Variants in AGBL2 observed in about 807,000 individuals in gnomAD.
AGBL2 encodes cytosolic carboxypeptidase 2.
AGBL2 carries 87 observed loss-of-function variants against 103.0 expected under a neutral mutation model. The observed-to-expected ratio is 0.84, with a 90% CI of 0.71 to 1.01. The LOEUF (loss-of-function observed/expected upper bound fraction) is 1.01, where lower values mean the gene tolerates loss of function less well. Among genes scored for constraint, AGBL2 ranks in the 50% least tolerant of loss-of-function variants. AGBL2 has a pLI of 0.00. For missense variants in AGBL2, 904 were observed against 1,023.5 expected (o/e 0.88, Z 1.59); for synonymous variants, 335 against 356.7 (o/e 0.94, Z 0.69).
intron 8 of AGBL2, among the ~76,000 whole-genome samples, chr11:47,698,451 C>A (rs1254635335): frequency 1.3e-5 from 2 of 152,178 alleles, no homozygotes; most frequent in Non-Finnish European, 2.9e-5. Flanking sequence ...GGATTATAGG[C>A]GTGAGCCACA....
At chr11:47,666,931 A>C in intron 17 of AGBL2, 25 bp downstream of exon 17, 1 of 1,430,870 alleles carries the variant, frequency 7.0e-7, no homozygotes, top group Non-Finnish European at 9.8e-7. Flanking sequence ...TCTGTGTGAC[A>C]AAGAGTCAAA....
At chr11:47,697,803 C>G (rs1204903371) in intron 8 of AGBL2, among the ~76,000 whole-genome samples, 3 of 147,968 alleles carry the variant, frequency 2.0e-5, no homozygotes, top group African/African-American at 7.5e-5. Flanking sequence ...GCCTCAGACT[C>G]CCAAAGTGCT....
At chr11:47,681,944 C>G in intron 12 of AGBL2, 25 bp downstream of exon 12, 2 of 1,608,532 alleles carry the variant, frequency 1.2e-6, no homozygotes, top group South Asian at 2.2e-5. Context: ...CTATGCTGGC[C>G]TATGATATAC....
chr11:47,677,963 C>T (rs2097382158), intron 13 of AGBL2, among the ~76,000 whole-genome samples: 1 of 151,824 alleles, frequency 6.6e-6, no homozygotes, highest in Non-Finnish European at 1.5e-5. Context: ...GAGCCAACTT[C>T]TTCTTTTTTA....
At chr11:47,664,721 T>TAAGTTTTAAAGTTTTA (rs1296258207) in intron 17 of AGBL2, among the ~76,000 whole-genome samples, 6 of 151,752 alleles carry the variant, frequency 4.0e-5, no homozygotes, top group Non-Finnish European at 8.8e-5. Flanking sequence ...CACATCCAGC[T>TAAGTTTTAAAGTTTTA]AAGTTTTAAA....
Position 47,690,210 on chromosome 11 carries a change from G to A in AGBL2, c.1497C>T (p.Pro499=), listed in dbSNP as rs1273273662. The part of the protein sequence containing the change: ...LRDIFVFKVL[P]MLNPDGVIVG... Reference sequence around the variant, plus strand: ...CAATCACACCATCTGGATTTAACATGGGAAGCACCTTGAAGACAAAAATAT... The same window carrying A: ...CAATCACACCATCTGGATTTAACATAGGAAGCACCTTGAAGACAAAAATAT... Residue 499 remains proline (P), a synonymous_variant, in exon 10 of 19, where the codon CCC becomes CCT. Coordinates refer to ENST00000525123, the MANE Select transcript of AGBL2 (RefSeq NM_024783.4). 5.0e-6 allele frequency: 8 copies of A among 1,614,042 alleles called. No homozygotes were observed. Among genetic ancestry groups the A allele is most frequent in the South Asian group, 1.1e-5 (1 of 91,074 alleles).
intron 3 of AGBL2, 182 bp from the exon 4 acceptor site, chr11:47,710,693 C>A: frequency 2.8e-6 from 2 of 725,064 alleles, no homozygotes; most frequent in Non-Finnish European, 4.8e-6. Context: ...CATAATTATC[C>A]CCACCTTACA....
intron 4 of AGBL2, among the ~76,000 whole-genome samples, chr11:47,707,080 T>C (rs2097523346): frequency 6.8e-6 from 1 of 146,896 alleles, no homozygotes; most frequent in African/African-American, 2.5e-5. Context: ...GTGCCTGTAA[T>C]CCTAGCTACT....
rs771158259 is a variant in AGBL2 at position 47,666,986 on chromosome 11, T to C, written c.2418A>G (p.Pro806=). ...FKNSENSSFL[P]MKNENPRLNE... ...TTAACCTTGGGTTTTCATTTTTCAT[T>C]GGTAAAAAACTGGAATTCTCTGAGT... is the stretch of plus-strand genomic sequence containing the variant. The change falls in exon 17 of 19, where the codon CCA becomes CCG. Residue 806 remains proline (P), a synonymous_variant. Transcript: ENST00000525123. The C allele has an allele frequency of 5.0e-6, 8 of 1,613,638 alleles. No individual in the cohort carries two copies. Among genetic ancestry groups the C allele is most frequent in the Non-Finnish European group, 5.9e-6 (7 of 1,179,796 alleles).
intron 4 of AGBL2, among the ~76,000 whole-genome samples, chr11:47,706,890 C>CATT (rs1554968232): frequency 1.9e-5 from 1 of 53,232 alleles, no homozygotes; most frequent in Admixed American, 2.0e-4. Context: ...CTCTACTATT[C>CATT]CAAAAAAAAA....
chr11:47,707,663 TTGCCTTCCTAAA>T (rs768747942), intron 4 of AGBL2, among the ~76,000 whole-genome samples: 47 of 152,154 alleles, frequency 3.1e-4, no homozygotes, highest in Non-Finnish European at 1.5e-5. Flanking sequence ...TATTGCCAAA[TTGCCTTCCTAAA>T]AGTCTACTTA....
chr11:47,713,735 C>T (rs1194160269), intron 3 of AGBL2, among the ~76,000 whole-genome samples: 2 of 151,014 alleles, frequency 1.3e-5, no homozygotes, highest in Non-Finnish European at 3.0e-5. Context: ...ACTACAGGCA[C>T]CCACCACCAC....
intron 7 of AGBL2, among the ~76,000 whole-genome samples, chr11:47,703,281 C>A (rs2097505414): frequency 6.6e-6 from 1 of 151,980 alleles, no homozygotes; most frequent in African/African-American, 2.4e-5. Flanking sequence ...AGATGCTATG[C>A]CCTCTCTCCA....
At chr11:47,687,584 A>G (rs1360119603) in intron 10 of AGBL2, among the ~76,000 whole-genome samples, 1 of 149,510 alleles carries the variant, frequency 6.7e-6, no homozygotes, top group Non-Finnish European at 1.5e-5. Flanking sequence ...CCTCCCCTAC[A>G]CTTATTCTCT....
intron 15 of AGBL2, among the ~76,000 whole-genome samples, chr11:47,668,500 CAAAA>C (rs1229040355): frequency 2.6e-5 from 4 of 151,800 alleles, no homozygotes; most frequent in African/African-American, 9.7e-5. Flanking sequence ...AACAAACAAA[CAAAA>C]AAACACAAAG....
chr11:47,710,825 T>A, intron 3 of AGBL2: 1 of 473,710 alleles, frequency 2.1e-6, no homozygotes, highest in Non-Finnish European at 4.2e-6. Flanking sequence ...CAGAAAATGA[T>A]AGCCAAAGGC....
intron 12 of AGBL2, among the ~76,000 whole-genome samples, chr11:47,681,369 A>C (rs1022819089): frequency 6.6e-6 from 1 of 151,746 alleles, no homozygotes; most frequent in Non-Finnish European, 1.5e-5. Flanking sequence ...GAAAGAAAAA[A>C]TGAAGTTCAA....
At position 47,710,251 on chromosome 11, in the gene AGBL2, G is replaced by A. The variant is rs2097533022; in HGVS notation, c.232+126C>T. On this transcript the variant is annotated intron_variant, in intron 4 of 18. Coordinates refer to ENST00000525123, the MANE Select transcript of AGBL2 (RefSeq NM_024783.4). ...GTAGATTTAGAGAGAAGTTTTGAAT[G>A]GTGTTAGAAACAGAGGCCAAGGCTG... 8.2e-6 allele frequency: 9 copies of A among 1,098,230 alleles called. No homozygotes were observed. The East Asian group carries it at 2.1e-4, about 26-fold the overall frequency. The allele number at this position is 1,098,230 out of a possible 1,614,324, so 68.0% of individuals were successfully genotyped here.
In AGBL2 at chr11:47,698,966, C is replaced by CA. The variant is rs5791781; in HGVS notation, c.694+479dup. Reference sequence around the variant, plus strand: ...ATGTGTATGACTTCAGTAGGAATGGCAAAAAAAAAAAAAAAAAAAGAATGA... The same window carrying CA: ...ATGTGTATGACTTCAGTAGGAATGGCAAAAAAAAAAAAAAAAAAAAGAATGA... On this transcript the variant is annotated intron_variant, in intron 8 of 18. Transcript: ENST00000525123. Among the ~76,000 whole-genome samples the CA allele has an allele frequency of 8.9e-3, 1,046 of 117,450 alleles. 13 individuals are homozygous for CA. Among genetic ancestry groups the CA allele is most frequent in the African/African-American group, 0.023 (756 of 32,360 alleles). 77.1% of individuals were successfully genotyped at this position (117,450 alleles called of 152,430 possible).
Sources: gnomAD v4.1 joint callset for allele counts (sites outside exome capture counted in the v4.1 genomes callset) on GRCh38, gnomAD v4.1.1 for gene constraint, MANE v1.5 for transcripts, NCBI Gene and HGNC (gene_info 2026-07-23, HGNC 2026-07-21) for gene names.